Variants in FRMD3 observed in about 807,000 individuals in gnomAD.
The protein encoded by FRMD3 is FERM domain containing 3.
FRMD3 carries 33 observed loss-of-function variants against 70.2 expected under a neutral mutation model. That is an observed-to-expected ratio of 0.47 (90% CI 0.36 to 0.63). The LOEUF (loss-of-function observed/expected upper bound fraction) is 0.63. Ranked by LOEUF, FRMD3 falls within the 20% of genes least tolerant of loss-of-function variation. The probability of loss-of-function intolerance (pLI) is 0.00; values close to 1 mark genes in which losing one functional copy is unlikely to be tolerated. For missense variants in FRMD3, 632 were observed against 711.4 expected (o/e 0.89, Z 1.27); for synonymous variants, 279 against 255.9 (o/e 1.09, Z -0.86).
intron 1 of FRMD3, among the ~76,000 whole-genome samples, chr9:83,457,553 C>T (rs1386864809): frequency 6.6e-6 from 1 of 152,184 alleles, no homozygotes; most frequent in Non-Finnish European, 1.5e-5. Flanking sequence ...CTCACACAGA[C>T]TTTAAAACAT....
chr9:83,308,222 C>T (rs2131040636), intron 10 of FRMD3, among the ~76,000 whole-genome samples: 1 of 152,284 alleles, frequency 6.6e-6, no homozygotes, highest in East Asian at 1.9e-4. Flanking sequence ...GTCACCCAAG[C>T]TCCTGAAAAG....
At chr9:83,476,084 T>C (rs1828389359) in intron 1 of FRMD3, among the ~76,000 whole-genome samples, 1 of 152,058 alleles carries the variant, frequency 6.6e-6, no homozygotes. Flanking sequence ...GTAAAGTATA[T>C]AGTTAAAAGA....
chr9:83,433,358 GAAA>G (rs1827037107), intron 1 of FRMD3, among the ~76,000 whole-genome samples: 1 of 152,138 alleles, frequency 6.6e-6, no homozygotes. Flanking sequence ...GACACCATAA[GAAA>G]AAGAGAAGGG....
intron 1 of FRMD3, among the ~76,000 whole-genome samples, chr9:83,424,632 G>T (rs529206262): frequency 1.3e-5 from 2 of 152,254 alleles, no homozygotes; most frequent in Non-Finnish European, 2.9e-5. Context: ...ACAGAAAATT[G>T]CATCACAATA....
At chr9:83,536,377 G>A (rs1296310231) in intron 1 of FRMD3, among the ~76,000 whole-genome samples, 2 of 152,074 alleles carry the variant, frequency 1.3e-5, no homozygotes, top group Admixed American at 6.5e-5. Flanking sequence ...AACACCAAGT[G>A]GTACAGGGCA....
At chr9:83,455,629 A>G (rs1290681507) in intron 1 of FRMD3, among the ~76,000 whole-genome samples, 2 of 152,220 alleles carry the variant, frequency 1.3e-5, no homozygotes, top group Admixed American at 6.5e-5. Flanking sequence ...TATCAGCAGC[A>G]TGAAAACAGA....
rs191135005 is a variant in FRMD3, at chr9:83,529,959, A to G, written c.147+8126T>C. Among the ~76,000 whole-genome samples, 379 of 152,348 alleles carry G rather than the reference A, an allele frequency of 2.5e-3. 1 individual carries two copies. The highest frequency in any genetic ancestry group is 8.5e-3 in the African/African-American group (353 of 41,586). On this transcript the variant is annotated intron_variant, in intron 1 of 13. Coordinates refer to ENST00000304195, the MANE Select transcript of FRMD3 (RefSeq NM_174938.6). ...AGATCCCACTCCACACCCACTTAGGATGGTTATAATCAAACAGATAGATAA... is the reference window on the plus strand; with the variant it reads ...AGATCCCACTCCACACCCACTTAGGGTGGTTATAATCAAACAGATAGATAA...
At chr9:83,307,832 T>G (rs896487676) in intron 10 of FRMD3, among the ~76,000 whole-genome samples, 1 of 152,182 alleles carries the variant, frequency 6.6e-6, no homozygotes, top group African/African-American at 2.4e-5. Flanking sequence ...TTTAAAAAAT[T>G]TTTTTTAAAA....
chr9:83,441,903 C>T (rs545671985), intron 1 of FRMD3, among the ~76,000 whole-genome samples: 6 of 152,328 alleles, frequency 3.9e-5, no homozygotes, highest in African/African-American at 1.4e-4. Context: ...TCCAAAGCAC[C>T]AGCATCCATT....
chr9:83,495,153 C>T (rs1396729590), intron 1 of FRMD3, among the ~76,000 whole-genome samples: 1 of 151,928 alleles, frequency 6.6e-6, no homozygotes, highest in Non-Finnish European at 1.5e-5. Context: ...TGAGTCCAGC[C>T]CAAAAAGGAG....
intron 1 of FRMD3, among the ~76,000 whole-genome samples, chr9:83,525,552 T>A (rs113065462): frequency 8.4e-4 from 128 of 152,342 alleles, no homozygotes; most frequent in African/African-American, 2.9e-3. Context: ...TTTAATTTTG[T>A]AGCATGTTGA....
At chr9:83,465,496 C>T (rs1828101532) in intron 1 of FRMD3, among the ~76,000 whole-genome samples, 1 of 152,194 alleles carries the variant, frequency 6.6e-6, no homozygotes, top group African/African-American at 2.4e-5. Context: ...TTCTCCAGCA[C>T]AGATTCCACA....
Position 83,310,343 on chromosome 9 carries a change from A to AT in FRMD3, c.837+141dup. 5.4e-6 allele frequency: 4 copies of AT among 735,822 alleles called. No individual in the cohort carries two copies. In the East Asian group the frequency reaches 1.1e-4, roughly 20 times the overall value. The allele number at this position is 735,822 out of a possible 1,614,324, so 45.6% of individuals were successfully genotyped here. A position where few individuals can be genotyped will look rare whatever the true frequency, so the allele number is the denominator to read the frequency against. On this transcript the variant is annotated intron_variant, in intron 9 of 13. Coordinates refer to ENST00000304195, the MANE Select transcript of FRMD3 (RefSeq NM_174938.6). Reference sequence around the variant, plus strand: ...GTACTCATTTGTTTGCCTCTAAAATATTTTTAGCATATAGCTTTCATTATC... The same window carrying AT: ...GTACTCATTTGTTTGCCTCTAAAATATTTTTTAGCATATAGCTTTCATTATC...
chr9:83,363,768 A>G (rs1338558069), intron 3 of FRMD3, among the ~76,000 whole-genome samples: 3 of 152,004 alleles, frequency 2.0e-5, no homozygotes, highest in Admixed American at 1.3e-4. Context: ...GTTAGCCAGG[A>G]TGGTCTCGAT....
chr9:83,481,412 G>C (rs932855974), intron 1 of FRMD3, among the ~76,000 whole-genome samples: 3 of 152,122 alleles, frequency 2.0e-5, no homozygotes, highest in African/African-American at 7.2e-5. Context: ...CTCTATAAAA[G>C]AAATTCTGCT....
chr9:83,526,652 C>T (rs981509518), intron 1 of FRMD3, among the ~76,000 whole-genome samples: 4 of 152,236 alleles, frequency 2.6e-5, no homozygotes, highest in Non-Finnish European at 5.9e-5. Flanking sequence ...TTCATCCTCG[C>T]ATCACTATCT....
the FRMD3 span, among the ~76,000 whole-genome samples, chr9:83,572,323 G>A: frequency 1.3e-5 from 2 of 152,208 alleles, no homozygotes; most frequent in Non-Finnish European, 2.9e-5. Context: ...TTGAGCTGGT[G>A]AGAGGATAGA....
At chr9:83,456,612 C>T (rs1827824725) in intron 1 of FRMD3, among the ~76,000 whole-genome samples, 1 of 152,130 alleles carries the variant, frequency 6.6e-6, no homozygotes, top group Non-Finnish European at 1.5e-5. Context: ...AATGGTATCT[C>T]AAGGAGGTTT....
chr9:83,446,482 C>G (rs1254948448), intron 1 of FRMD3, among the ~76,000 whole-genome samples: 1 of 151,706 alleles, frequency 6.6e-6, no homozygotes, highest in Admixed American at 6.6e-5. Context: ...CCCGTCTCTA[C>G]TAAAAATACA....
Sources: allele counts gnomAD v4.1 joint callset (sites outside exome capture counted in the v4.1 genomes callset), GRCh38; gene constraint gnomAD v4.1.1; transcripts MANE v1.5; gene names NCBI Gene and HGNC (gene_info 2026-07-23, HGNC 2026-07-21).